The following STK32A variants were observed in gnomAD, a reference collection of about 807,000 sequenced individuals.
STK32A encodes serine/threonine-protein kinase 32A.
STK32A carries 41 observed loss-of-function variants against 53.2 expected under a neutral mutation model. That is an observed-to-expected ratio of 0.77 (90% CI 0.60 to 1.00). The LOEUF (loss-of-function observed/expected upper bound fraction) is 1.00. STK32A is among the 50% of genes least tolerant of loss of function. The pLI is 0.00. For missense variants in STK32A, 458 were observed against 485.8 expected (o/e 0.94, Z 0.54); for synonymous variants, 166 against 162.8 (o/e 1.02, Z -0.15).
intron 2 of STK32A, among the ~76,000 whole-genome samples, chr5:147,247,049 G>GC (rs1224105264): frequency 2.0e-5 from 3 of 152,220 alleles, no homozygotes; most frequent in African/African-American, 4.8e-5. Flanking sequence ...CAAAGCTATA[G>GC]ACATTTTTAA....
intron 8 of STK32A, 49 bp downstream of exon 8, chr5:147,361,663 T>C (rs1463682821): frequency 1.5e-6 from 2 of 1,330,700 alleles, no homozygotes; most frequent in Non-Finnish European, 1.1e-6. Context: ...CAAGTTCTAT[T>C]TTAGAATGAA....
intron 2 of STK32A, among the ~76,000 whole-genome samples, chr5:147,275,780 C>T (rs982342427): frequency 5.3e-5 from 8 of 152,042 alleles, no homozygotes; most frequent in African/African-American, 1.9e-4. Flanking sequence ...TAGGCTTGTC[C>T]CTTTTCTGAG....
chr5:147,256,792 G>A (rs536861192), intron 2 of STK32A, among the ~76,000 whole-genome samples: 4 of 152,258 alleles, frequency 2.6e-5, no homozygotes, highest in South Asian at 4.2e-4. Flanking sequence ...GATTACAGGC[G>A]TGAGCCACCG....
At chr5:147,309,084 T>A (rs1182698682) in intron 4 of STK32A, among the ~76,000 whole-genome samples, 2 of 151,988 alleles carry the variant, frequency 1.3e-5, no homozygotes, top group African/African-American at 4.8e-5. Flanking sequence ...AAATTGGTAA[T>A]GTAGTAAAGA....
At chr5:147,254,577 C>T (rs1754142447) in intron 2 of STK32A, among the ~76,000 whole-genome samples, 1 of 152,196 alleles carries the variant, frequency 6.6e-6, no homozygotes, top group African/African-American at 2.4e-5. Flanking sequence ...ATGGTGGGCG[C>T]ACACTTGGAC....
At chr5:147,259,555 T>G (rs1225654283) in intron 2 of STK32A, among the ~76,000 whole-genome samples, 1 of 150,456 alleles carries the variant, frequency 6.6e-6, no homozygotes, top group African/African-American at 2.5e-5. Context: ...TTTTTTTTTA[T>G]TATTATACTT....
intron 8 of STK32A, among the ~76,000 whole-genome samples, chr5:147,363,998 C>T (rs1756633167): frequency 1.3e-5 from 2 of 152,018 alleles, no homozygotes; most frequent in Admixed American, 1.3e-4. Context: ...GGCAGATCAC[C>T]TGAGGTCAGT....
At chr5:147,348,842 G>C (rs1399500372) in intron 6 of STK32A, 1 of 697,610 alleles carries the variant, frequency 1.4e-6, no homozygotes, top group Non-Finnish European at 2.7e-6. Context: ...GCTGTGCTAA[G>C]TCTCCTGTAA....
intron 12 of STK32A, 33 bp from the exon 13 acceptor site, chr5:147,383,857 A>G (rs1401104003): frequency 1.1e-5 from 15 of 1,415,696 alleles, no homozygotes; most frequent in Non-Finnish European, 1.4e-5. Context: ...TTTTCAAAGA[A>G]TAAAACATCT....
intron 8 of STK32A, among the ~76,000 whole-genome samples, chr5:147,366,939 TTTC>T (rs1756776559): frequency 6.6e-6 from 1 of 152,190 alleles, no homozygotes; most frequent in African/African-American, 2.4e-5. Context: ...CTAAATCTAT[TTTC>T]TTTTTAAGGA....
intron 11 of STK32A, among the ~76,000 whole-genome samples, chr5:147,378,271 T>C (rs1757309532): frequency 6.6e-6 from 1 of 152,094 alleles, no homozygotes; most frequent in Non-Finnish European, 1.5e-5. Context: ...TTTGATCTGG[T>C]TCCTCCAGAT....
intron 8 of STK32A, among the ~76,000 whole-genome samples, chr5:147,364,799 T>C (rs1756672159): frequency 6.6e-6 from 1 of 152,104 alleles, no homozygotes; most frequent in Admixed American, 6.5e-5. Context: ...CCTAATTACC[T>C]CCCAAGGGCT....
rs115020711 is a variant in STK32A at position 147,349,693 on chromosome 5, G to A, written c.473-1372G>A. Among the ~76,000 whole-genome samples the A allele has an allele frequency of 1.7e-3, 263 of 152,190 alleles. 1 individual carries two copies. Among genetic ancestry groups the A allele is most frequent in the African/African-American group, 6.1e-3 (255 of 41,506 alleles). ...TAGTCTACTCCTTCTTTTTTTATGT[G>A]AAGGAAAATTTAGATCCACCTTGGA... On this transcript the variant is annotated intron_variant, in intron 6 of 12. Coordinates refer to ENST00000397936, the MANE Select transcript of STK32A (RefSeq NM_001112724.2).
intron 2 of STK32A, among the ~76,000 whole-genome samples, chr5:147,241,479 A>AAAAC (rs80273912): frequency 0.2 from 30,032 of 150,966 alleles, 3,708 homozygotes; most frequent in African/African-American, 0.34. Flanking sequence ...ACTCCATCTC[A>AAAAC]AAACAAACAA....
intron 4 of STK32A, among the ~76,000 whole-genome samples, chr5:147,309,534 T>A (rs1395776440): frequency 6.6e-6 from 1 of 152,198 alleles, no homozygotes; most frequent in African/African-American, 2.4e-5. Flanking sequence ...AAAAGCATAT[T>A]GAGTTTAAGC....
intron 2 of STK32A, 54 bp from the exon 3 acceptor site, chr5:147,278,070 C>G (rs1243597969): frequency 2.5e-5 from 35 of 1,383,354 alleles, no homozygotes; most frequent in Non-Finnish European, 3.5e-5. Context: ...TATTTATTAG[C>G]TACTAAAGAG....
At chr5:147,314,876 C>G (rs996924401) in intron 4 of STK32A, among the ~76,000 whole-genome samples, 7 of 151,826 alleles carry the variant, frequency 4.6e-5, no homozygotes, top group Admixed American at 4.6e-4. Context: ...TCTTGAGTAG[C>G]TGGGACTGCA....
intron 4 of STK32A, among the ~76,000 whole-genome samples, chr5:147,285,554 A>G (rs1377450885): frequency 6.6e-6 from 1 of 152,170 alleles, no homozygotes; most frequent in African/African-American, 2.4e-5. Flanking sequence ...CTGACAAAGG[A>G]TGAATATCCA....
At chr5:147,243,582 AC>A (rs1753664117) in intron 2 of STK32A, among the ~76,000 whole-genome samples, 1 of 123,346 alleles carries the variant, frequency 8.1e-6, no homozygotes, top group Non-Finnish European at 1.8e-5. Flanking sequence ...ACTAAAAAAT[AC>A]AAAAAAAATT....
Sources: allele counts gnomAD v4.1 joint callset (sites outside exome capture counted in the v4.1 genomes callset), GRCh38; gene constraint gnomAD v4.1.1; transcripts MANE v1.5; gene names NCBI Gene and HGNC (gene_info 2026-07-23, HGNC 2026-07-21).